Variants in GMNN observed in about 807,000 individuals in gnomAD.
GMNN encodes geminin.
GMNN carries 14 observed loss-of-function variants against 20.9 expected under a neutral mutation model. The ratio of observed to expected loss-of-function variants is 0.67; its 90% CI spans 0.44 to 1.05. GMNN has a LOEUF of 1.05. Ranked by LOEUF, GMNN falls within the 50% of genes least tolerant of loss-of-function variation. The pLI, the probability that GMNN is intolerant of heterozygous loss-of-function variation, is 0.00. For missense variants in GMNN, 227 were observed against 243.8 expected, an observed-to-expected ratio of 0.93 and a Z score of 0.46; for synonymous variants, 81 against 85.8, an observed-to-expected ratio of 0.94 and a Z score of 0.31.
chr6:24,785,607 T>C (rs776047687), intron 6 of GMNN, 31 bp from the exon 7 acceptor site: 1 of 1,185,338 alleles, frequency 8.4e-7, no homozygotes, highest in Non-Finnish European at 1.2e-6. Flanking sequence ...TTAACATTTT[T>C]ACAATAAATT....
At chr6:24,778,633 A>G (rs533508617) in intron 2 of GMNN, among the ~76,000 whole-genome samples, 19 of 152,150 alleles carry the variant, frequency 1.2e-4, no homozygotes, top group Non-Finnish European at 2.6e-4. Context: ...ATTTTTCTTG[A>G]ATAAGAATGT....
chr6:24,778,483 CAG>C (rs1251300552), intron 2 of GMNN, among the ~76,000 whole-genome samples: 3 of 152,112 alleles, frequency 2.0e-5, no homozygotes, highest in Admixed American at 1.3e-4. Flanking sequence ...GCCTGGGTGA[CAG>C]AGTAAGACCC....
Position 24,784,520 on chromosome 6 carries a change from C to G in GMNN, c.434C>G (p.Ala145Gly). ...GAGAATAAAGAACTGGCAGAAGTAG[C>G]AGAACATGTACAGTATATGGCAGAG... ...KKENKELAEVAEHVQYMAELI... is the reference protein window; with the variant it reads ...KKENKELAEVGEHVQYMAELI... Residue 145 changes from alanine (A) to glycine (G), a missense_variant, in exon 6 of 7, where the codon GCA (alanine) becomes GGA (glycine). Transcript: ENST00000230056. 6.5e-7 allele frequency: 1 copy of G among 1,548,138 alleles called. No homozygotes were observed. Among genetic ancestry groups the G allele is most frequent in the Non-Finnish European group, 8.9e-7 (1 of 1,120,224 alleles).
At chr6:24,783,690 T>G (rs898260921) in intron 4 of GMNN, among the ~76,000 whole-genome samples, 11 of 152,156 alleles carry the variant, frequency 7.2e-5, no homozygotes, top group Admixed American at 5.9e-4. Flanking sequence ...ACTATACTTA[T>G]ATAGTATTCC....
In GMNN at chr6:24,785,956, A is replaced by G. The variant is rs1381773770; in HGVS notation, c.*157A>G. ...TTGCATTAAAGTACAAATACTATGT[A>G]TTTTTAATCTATGATGGTTTATGTG... is the stretch of plus-strand genomic sequence containing the variant. On this transcript the variant is annotated 3_prime_UTR_variant, in exon 7 of 7. Transcript: ENST00000230056. The G allele has an allele frequency of 2.8e-5, 15 of 532,204 alleles. No homozygotes were observed. Among genetic ancestry groups the G allele is most frequent in the Non-Finnish European group, 4.9e-5 (15 of 306,002 alleles). The allele number at this position is 532,204 out of a possible 1,614,324, so 33.0% of individuals were successfully genotyped here.
At position 24,781,494 on chromosome 6, in the gene GMNN, C is replaced by G; in HGVS notation, c.147C>G (p.Ser49=). The G allele has an allele frequency of 6.3e-7, 1 of 1,597,554 alleles. No homozygotes were observed. The highest frequency in any genetic ancestry group is 8.6e-7 in the Non-Finnish European group (1 of 1,167,414). The change falls in exon 4 of 7, where the codon TCC becomes TCG. Residue 49 remains serine, a synonymous_variant. Coordinates refer to ENST00000230056, the MANE Select transcript of GMNN (RefSeq NM_015895.5). ...GRENELSAGL[S]KRKHRNDHLT... Reference sequence around the variant, plus strand: ...CATTATAGCTGTCCGCAGGCTTGTCCAAAAGGAAACATCGGAATGACCACT... The same window carrying G: ...CATTATAGCTGTCCGCAGGCTTGTCGAAAAGGAAACATCGGAATGACCACT...
intron 3 of GMNN, 64 bp downstream of exon 3, chr6:24,780,804 C>A: frequency 1.3e-6 from 1 of 796,032 alleles, no homozygotes; most frequent in Non-Finnish European, 2.2e-6. Context: ...AACATTTCTA[C>A]TATTTTCTTG....
chr6:24,775,013 C>T lies in GMNN; in HGVS notation c.-257C>T, dbSNP rs1044505338. ...TTACTGCAGAGCGCGCCGGGCACTCCAGCGACCGTGGGGATCAGCGTAGGT... is the reference window on the plus strand; with the variant it reads ...TTACTGCAGAGCGCGCCGGGCACTCTAGCGACCGTGGGGATCAGCGTAGGT... On this transcript the variant is annotated 5_prime_UTR_variant, in exon 1 of 7. Coordinates refer to ENST00000230056, the MANE Select transcript of GMNN (RefSeq NM_015895.5). The T allele has an allele frequency of 6.6e-6, 1 of 152,436 alleles. No homozygotes were observed. The highest frequency in any genetic ancestry group is 2.4e-5 in the African/African-American group (1 of 41,482). The allele number at this position is 152,436 out of a possible 1,614,324, so 9.4% of individuals were successfully genotyped here.
At chr6:24,780,159 G>A (rs183012378) in intron 2 of GMNN, among the ~76,000 whole-genome samples, 43 of 152,296 alleles carry the variant, frequency 2.8e-4, no homozygotes, top group African/African-American at 9.4e-4. Flanking sequence ...TACCATAAAT[G>A]TTACGATGTT....
intron 4 of GMNN, among the ~76,000 whole-genome samples, chr6:24,782,622 T>G (rs1450307697): frequency 1.3e-5 from 2 of 152,138 alleles, no homozygotes; most frequent in African/African-American, 4.8e-5. Flanking sequence ...ATATTGTAGA[T>G]TGAAGAGCAG....
At chr6:24,779,102 C>A (rs1472733601) in intron 2 of GMNN, among the ~76,000 whole-genome samples, 1 of 152,188 alleles carries the variant, frequency 6.6e-6, no homozygotes, top group Non-Finnish European at 1.5e-5. Flanking sequence ...TGGACTAGAA[C>A]TAGATCCTTG....
At chr6:24,779,740 T>C (rs1780156036) in intron 2 of GMNN, among the ~76,000 whole-genome samples, 1 of 152,222 alleles carries the variant, frequency 6.6e-6, no homozygotes, top group African/African-American at 2.4e-5. Flanking sequence ...GTATAACTAA[T>C]GATATTTTGC....
intron 2 of GMNN, among the ~76,000 whole-genome samples, chr6:24,778,246 T>C (rs528659026): frequency 2.6e-5 from 4 of 152,332 alleles, no homozygotes; most frequent in Admixed American, 1.3e-4. Context: ...GGCTCATGCC[T>C]GTGATCCCAG....
intron 4 of GMNN, among the ~76,000 whole-genome samples, chr6:24,782,810 G>A (rs1299693671): frequency 2.6e-5 from 4 of 151,132 alleles, no homozygotes; most frequent in Non-Finnish European, 5.9e-5. Context: ...AAATAACTGC[G>A]AAGAAATCCC....
Position 24,784,102 on chromosome 6 carries a change from A to G in GMNN, c.290A>G (p.Gln97Arg). The G allele has an allele frequency of 6.9e-7, 1 of 1,447,774 alleles. No individual in the cohort carries two copies. The highest frequency in any genetic ancestry group is 9.7e-7 in the Non-Finnish European group (1 of 1,033,498). The allele number at this position is 1,447,774 out of a possible 1,614,324, so 89.7% of individuals were successfully genotyped here. The change falls in exon 5 of 7, where the codon CAG becomes CGG. Residue 97 changes from glutamine to arginine, a missense_variant. By Grantham distance (43) the Gln-to-Arg change is conservative (BLOSUM62 1). Coordinates refer to ENST00000230056, the MANE Select transcript of GMNN (RefSeq NM_015895.5). ...DLMIKENPSS[Q>R]YWKEVAEKRR... is the part of the protein sequence containing the mutation. ...ATTATTTTAGAAAATCCATCCTCTC[A>G]GTATTGGAAGGAAGTGGCAGAAAAA...
rs2093511036 is a variant in GMNN, at chr6:24,777,236, C to T, written c.-11C>T. The T allele has an allele frequency of 2.2e-6, 3 of 1,341,596 alleles. No individual in the cohort carries two copies. The highest frequency in any genetic ancestry group is 2.2e-5 in the Admixed American group (1 of 45,960). 83.1% of individuals were successfully genotyped at this position (1,341,596 alleles called of 1,614,324 possible). A position where few individuals can be genotyped will look rare whatever the true frequency, so the allele number is the denominator to read the frequency against. On this transcript the variant is annotated 5_prime_UTR_variant, in exon 2 of 7. Coordinates refer to ENST00000230056, the MANE Select transcript of GMNN (RefSeq NM_015895.5). ...TTAATTACTAGTCTTCTGTGCTTCA[C>T]CATCTACATAATGAATCCCAGTATG...
intron 1 of GMNN, among the ~76,000 whole-genome samples, chr6:24,776,229 C>T (rs1165440280): frequency 6.6e-6 from 1 of 152,122 alleles, no homozygotes; most frequent in African/African-American, 2.4e-5. Context: ...TCCCGAGTAG[C>T]TGGGACTACA....
chr6:24,778,348 A>G (rs944989875), intron 2 of GMNN, among the ~76,000 whole-genome samples: 2 of 152,164 alleles, frequency 1.3e-5, no homozygotes, highest in African/African-American at 4.8e-5. Flanking sequence ...CTAAAAAACC[A>G]TAATTAGCTG....
chr6:24,779,993 C>A (rs967779636), intron 2 of GMNN, among the ~76,000 whole-genome samples: 2 of 152,068 alleles, frequency 1.3e-5, no homozygotes, highest in South Asian at 2.1e-4. Context: ...AAAGTATGTT[C>A]TGGAAAGTTA....
Sources: allele counts gnomAD v4.1 joint callset (sites outside exome capture counted in the v4.1 genomes callset), GRCh38; gene constraint gnomAD v4.1.1; transcripts MANE v1.5; gene names NCBI Gene and HGNC (gene_info 2026-07-23, HGNC 2026-07-21).